Variants in FBXO15 observed in about 807,000 individuals in gnomAD.
FBXO15 encodes F-box protein 15.
Under a neutral mutation model 49.5 loss-of-function variants are expected in FBXO15, and 30 were observed. That is an observed-to-expected ratio of 0.61 (90% CI 0.45 to 0.82). The LOEUF (loss-of-function observed/expected upper bound fraction) is 0.82, where lower values mean the gene tolerates loss of function less well. Ranked by LOEUF, FBXO15 falls within the 40% of genes least tolerant of loss-of-function variation. The pLI, the probability that FBXO15 is intolerant of heterozygous loss-of-function variation, is 0.00. For missense variants in FBXO15, 591 were observed against 631.5 expected, an observed-to-expected ratio of 0.94 and a Z score of 0.69; for synonymous variants, 250 against 232.7, an observed-to-expected ratio of 1.07 and a Z score of -0.68.
chr18:74,119,105 C>T (rs1279848646), intron 8 of FBXO15, among the ~76,000 whole-genome samples: 1 of 152,192 alleles, frequency 6.6e-6, no homozygotes, highest in East Asian at 1.9e-4. Flanking sequence ...GGCTCAGGCC[C>T]TCGCTGTCGC....
At chr18:74,136,262 G>A (rs141709761) in intron 2 of FBXO15, among the ~76,000 whole-genome samples, 1 of 152,116 alleles carries the variant, frequency 6.6e-6, no homozygotes, top group African/African-American at 2.4e-5. Flanking sequence ...GTTCACTGCA[G>A]CCCAGAACTC....
rs372526600 is a variant in FBXO15, at chr18:74,102,078, C to T, written c.1139-20027G>A. Among the ~76,000 whole-genome samples, 3 of 152,058 alleles carry T rather than the reference C, an allele frequency of 2.0e-5. No homozygotes were observed. In the East Asian group the frequency reaches 5.8e-4, roughly 29 times the overall value. ...AGTCAAGGATTTCATGACCAAGAAC[C>T]CAAAAGGAAATGCAATAAAAATAAA... is the stretch of plus-strand genomic sequence containing the variant. On this transcript the variant is annotated intron_variant, in intron 8 of 9. Coordinates refer to ENST00000419743, the MANE Select transcript of FBXO15 (RefSeq NM_001142958.2).
intron 8 of FBXO15, among the ~76,000 whole-genome samples, chr18:74,090,183 A>G (rs946389891): frequency 1.3e-5 from 2 of 151,996 alleles, no homozygotes; most frequent in African/African-American, 2.4e-5. Context: ...CATTTCTTCT[A>G]TGTTTTCTAG....
chr18:74,086,529 G>GC (rs1227723082), intron 8 of FBXO15, among the ~76,000 whole-genome samples: 2 of 152,202 alleles, frequency 1.3e-5, no homozygotes, highest in East Asian at 1.9e-4. Flanking sequence ...CCTGGGTTCA[G>GC]CCCCCCAAGT....
intron 2 of FBXO15, among the ~76,000 whole-genome samples, chr18:74,137,508 T>C (rs755404764): frequency 4.6e-5 from 7 of 152,218 alleles, no homozygotes; most frequent in East Asian, 1.9e-4. Flanking sequence ...GGTTTTTACC[T>C]TCCTCCCCAC....
chr18:74,140,587 A>G (rs1386350664), intron 1 of FBXO15: 1 of 349,478 alleles, frequency 2.9e-6, no homozygotes, highest in African/African-American at 2.2e-5. Context: ...GATGGTAAGG[A>G]AGGAAGAAAG....
intron 8 of FBXO15, chr18:74,098,874 C>T (rs1180709358): frequency 6.6e-6 from 1 of 152,424 alleles, no homozygotes; most frequent in Admixed American, 6.5e-5. Context: ...TCTGTAATCC[C>T]AGCACTTTGG....
rs1342940627 is a variant in FBXO15 at position 74,135,773 on chromosome 18, T to A, written c.321A>T (p.Leu107=). The part of the protein sequence containing the change: ...TGCVSRRFYH[L]ANDNFIWIGI... ...GGATTTCTGCTTACTTGTCATTGGC[T>A]AGATGATAAAAGCGCCTGCTCACAC... The change falls in exon 3 of 10, where the codon CTA becomes CTT. Residue 107 remains leucine, a synonymous_variant. Transcript: ENST00000419743. The A allele has an allele frequency of 6.2e-7, 1 of 1,604,920 alleles. No homozygotes were observed. The highest frequency in any genetic ancestry group is 8.5e-7 in the Non-Finnish European group (1 of 1,177,658).
intron 8 of FBXO15, among the ~76,000 whole-genome samples, chr18:74,119,979 G>A (rs1914405979): frequency 6.6e-6 from 1 of 152,198 alleles, no homozygotes. Context: ...GTGGCACCAG[G>A]TCAGGCTAGA....
chr18:74,128,810 T>C (rs1157322594), intron 5 of FBXO15, among the ~76,000 whole-genome samples: 1 of 152,224 alleles, frequency 6.6e-6, no homozygotes, highest in Non-Finnish European at 1.5e-5. Context: ...TCACTAAGCA[T>C]TACCCATGTG....
At chr18:74,083,349 C>A (rs920758864) in intron 8 of FBXO15, among the ~76,000 whole-genome samples, 1 of 152,194 alleles carries the variant, frequency 6.6e-6, no homozygotes, top group African/African-American at 2.4e-5. Flanking sequence ...CAGCAGGGCT[C>A]GACGGAAGCA....
intron 8 of FBXO15, among the ~76,000 whole-genome samples, chr18:74,102,602 G>A (rs922889353): frequency 6.6e-6 from 1 of 152,148 alleles, no homozygotes; most frequent in African/African-American, 2.4e-5. Context: ...TTCCACTACT[G>A]GGTATCTAAC....
At chr18:74,145,924 T>G (rs1157701319) in intron 1 of FBXO15, among the ~76,000 whole-genome samples, 1 of 152,204 alleles carries the variant, frequency 6.6e-6, no homozygotes, top group African/African-American at 2.4e-5. Flanking sequence ...AAGGTCCACA[T>G]AATTAACAAA....
At position 74,147,807 on chromosome 18, in the gene FBXO15, G is replaced by T. The variant is rs113921499; in HGVS notation, c.-22C>A. 3.3e-3 allele frequency: 4,999 copies of T among 1,504,772 alleles called. 159 individuals carry two copies. In the African/African-American group the frequency reaches 0.062, roughly 19 times the overall value. 93.2% of individuals were successfully genotyped at this position (1,504,772 alleles called of 1,614,324 possible). ...CCATAGAGACAAGGAGTTCACCACAGGACCGCGCCAGGGCTGAAACGAAGA... is the reference window on the plus strand; with the variant it reads ...CCATAGAGACAAGGAGTTCACCACATGACCGCGCCAGGGCTGAAACGAAGA... On this transcript the variant is annotated 5_prime_UTR_variant, in exon 1 of 10. In the 5' UTR this introduces an upstream ATG that the reference lacks. Transcript: ENST00000419743.
At chr18:74,091,984 C>T (rs986338751) in intron 8 of FBXO15, among the ~76,000 whole-genome samples, 5 of 152,156 alleles carry the variant, frequency 3.3e-5, no homozygotes, top group African/African-American at 4.8e-5. Context: ...TTTTTCAAGG[C>T]GTTTGCTTTC....
At chr18:74,111,284 A>G (rs1914020786) in intron 8 of FBXO15, among the ~76,000 whole-genome samples, 2 of 151,772 alleles carry the variant, frequency 1.3e-5, no homozygotes, top group South Asian at 4.2e-4. Flanking sequence ...AAAAAGAAAA[A>G]AAAACATAAA....
chr18:74,125,740 A>C (rs1313472991), intron 6 of FBXO15, among the ~76,000 whole-genome samples: 1 of 152,238 alleles, frequency 6.6e-6, no homozygotes, highest in African/African-American at 2.4e-5. Flanking sequence ...CTATGATAGC[A>C]GAACAGCAGA....
At chr18:74,097,313 G>T (rs1354716594) in intron 8 of FBXO15, 1 of 151,440 alleles carries the variant, frequency 6.6e-6, no homozygotes, top group East Asian at 2.0e-4. Flanking sequence ...TGCTTTCACA[G>T]TTGAGAGGCA....
intron 1 of FBXO15, among the ~76,000 whole-genome samples, chr18:74,141,476 C>T (rs958497434): frequency 2.6e-5 from 4 of 152,176 alleles, no homozygotes; most frequent in African/African-American, 9.7e-5. Flanking sequence ...AACATCATTG[C>T]TTTGAATGTG....
Sources: gnomAD v4.1 joint callset for allele counts (sites outside exome capture counted in the v4.1 genomes callset) on GRCh38, gnomAD v4.1.1 for gene constraint, MANE v1.5 for transcripts, NCBI Gene and HGNC (gene_info 2026-07-23, HGNC 2026-07-21) for gene names.